The following PCDHA1 variants were observed in gnomAD, a reference collection of about 807,000 sequenced individuals.
The protein encoded by PCDHA1 is protocadherin alpha-1.
A neutral mutation model predicts 61.3 loss-of-function variants in PCDHA1; 42 were observed. The observed-to-expected ratio is 0.69, with a 90% CI of 0.54 to 0.89. PCDHA1 has a LOEUF of 0.89. Among genes scored for constraint, PCDHA1 ranks in the 40% least tolerant of loss-of-function variants. The probability of loss-of-function intolerance (pLI) is 0.00; values close to 1 mark genes in which losing one functional copy is unlikely to be tolerated. For missense variants in PCDHA1, 1,256 were observed against 1,235.3 expected, an observed-to-expected ratio of 1.02 and a Z score of -0.25; for synonymous variants, 610 against 553.8, an observed-to-expected ratio of 1.10 and a Z score of -1.43.
intron 1 of PCDHA1, chr5:140,850,293 G>C (rs2150478191): frequency 6.3e-7 from 1 of 1,596,282 alleles, no homozygotes; most frequent in Non-Finnish European, 8.6e-7. Flanking sequence ...AGTGGACGCC[G>C]ACTCGGGCTA....
At chr5:140,830,167 G>A in intron 1 of PCDHA1, 2 of 1,613,548 alleles carry the variant, frequency 1.2e-6, no homozygotes, top group South Asian at 1.1e-5. Flanking sequence ...CAGAGGCGGC[G>A]CTGGTGGATG....
chr5:140,943,305 CATT>C (rs1322564942), intron 1 of PCDHA1, among the ~76,000 whole-genome samples: 13 of 146,998 alleles, frequency 8.8e-5, no homozygotes, highest in African/African-American at 3.0e-4. Flanking sequence ...TTTGGGAAGT[CATT>C]ATTAGCAATA....
chr5:140,857,059 G>A lies in PCDHA1; in HGVS notation c.2394+68375G>A. On this transcript the variant is annotated intron_variant, in intron 1 of 3. Transcript: ENST00000504120. The stretch of plus-strand genomic sequence containing the variant: ...TGGTTGGTCACTGCACGGTCCTAGT[G>A]GAACTACTGGATGAAAATGATAATT... The A allele has an allele frequency of 4.4e-6, 7 of 1,594,522 alleles. 2 individuals are homozygous for A. The highest frequency in any genetic ancestry group is 6.0e-6 in the Non-Finnish European group (7 of 1,164,610).
intron 1 of PCDHA1, among the ~76,000 whole-genome samples, chr5:140,914,464 A>T (rs923814955): frequency 5.9e-5 from 9 of 152,130 alleles, no homozygotes; most frequent in Non-Finnish European, 1.3e-4. Flanking sequence ...GTCTATGTGT[A>T]TCTTCATAGG....
chr5:140,948,281 T>C (rs1375756050), intron 1 of PCDHA1, among the ~76,000 whole-genome samples: 1 of 151,620 alleles, frequency 6.6e-6, no homozygotes, highest in Non-Finnish European at 1.5e-5. Context: ...TATCTGTAAA[T>C]AATTTTGTAA....
chr5:140,915,262 T>G (rs539637990), intron 1 of PCDHA1, among the ~76,000 whole-genome samples: 1 of 152,290 alleles, frequency 6.6e-6, no homozygotes, highest in Admixed American at 6.5e-5. Context: ...GTTATTATTT[T>G]TGACCAGTTC....
Position 140,961,691 on chromosome 5 carries a change from T to A in PCDHA1, c.2395-17258T>A, listed in dbSNP as rs963909259. On this transcript the variant is annotated intron_variant, in intron 1 of 3. Transcript: ENST00000504120. Reference sequence around the variant, plus strand: ...GTTTTTAATTAAGCCGGAGTAGTCCTTAGTATGAATGCCTTCATTTCTAAG... The same window carrying A: ...GTTTTTAATTAAGCCGGAGTAGTCCATAGTATGAATGCCTTCATTTCTAAG... Among the ~76,000 whole-genome samples the A allele has an allele frequency of 2.0e-5, 3 of 152,340 alleles. No individual in the cohort carries two copies. In the East Asian group the frequency reaches 5.8e-4, roughly 29 times the overall value.
chr5:140,918,517 G>A (rs2078735105), intron 1 of PCDHA1, among the ~76,000 whole-genome samples: 1 of 152,134 alleles, frequency 6.6e-6, no homozygotes, highest in South Asian at 2.1e-4. Flanking sequence ...TAAACTTATT[G>A]AGGATTGTTT....
At position 140,927,047 on chromosome 5, in the gene PCDHA1, C is replaced by T. The variant is rs782800214; in HGVS notation, c.2395-51902C>T. On this transcript the variant is annotated intron_variant, in intron 1 of 3. Coordinates refer to ENST00000504120, the MANE Select transcript of PCDHA1 (RefSeq NM_018900.4). ...AGGCTGCCAGCGGCCGCTATGTCCT[C>T]GCGGAACTTTCGCTTCCTTTCCAGC... The T allele has an allele frequency of 2.5e-6, 4 of 1,612,066 alleles. No homozygotes were observed. The highest frequency in any genetic ancestry group is 1.7e-5 in the Admixed American group (1 of 59,932).
intron 1 of PCDHA1, chr5:140,857,586 G>A: frequency 6.3e-7 from 1 of 1,596,656 alleles, no homozygotes; most frequent in Non-Finnish European, 8.6e-7. Flanking sequence ...CACGCGGAGA[G>A]CGGCAAGGTG....
chr5:141,008,540 T>C (rs1435875214), intron 3 of PCDHA1, among the ~76,000 whole-genome samples: 2 of 152,190 alleles, frequency 1.3e-5, no homozygotes, highest in African/African-American at 4.8e-5. Context: ...ATGTCTTTTA[T>C]TGAAAACTCC....
chr5:140,789,339 C>G (rs945901529), intron 1 of PCDHA1, among the ~76,000 whole-genome samples: 2 of 152,020 alleles, frequency 1.3e-5, no homozygotes, highest in Non-Finnish European at 2.9e-5. Context: ...GTAATCCCAG[C>G]TAATGGGGAG....
chr5:140,850,264 T>C (rs2150476504), intron 1 of PCDHA1: 2 of 1,594,136 alleles, frequency 1.3e-6, no homozygotes, highest in Admixed American at 1.7e-5. Flanking sequence ...GCCGGCGTAG[T>C]GGTGGGGAAG....
In PCDHA1 at chr5:140,795,385, C is replaced by G. The variant is rs149113769; in HGVS notation, c.2394+6701C>G. ...ATTTCCAATGACAGTAAAGACTATC[C>G]GGTTTCCCGAATCAAGGCTGCTTGA... is the stretch of plus-strand genomic sequence containing the variant. On this transcript the variant is annotated intron_variant, in intron 1 of 3. Transcript: ENST00000504120. 5.0e-6 allele frequency: 8 copies of G among 1,613,940 alleles called. No homozygotes were observed. Among genetic ancestry groups the G allele is most frequent in the Non-Finnish European group, 6.8e-6 (8 of 1,180,012 alleles).
rs1554131612 is a variant in PCDHA1, at chr5:140,828,869, A to G, written c.2394+40185A>G. The G allele has an allele frequency of 3.1e-6, 5 of 1,614,138 alleles. No homozygotes were observed. Among genetic ancestry groups the G allele is most frequent in the Admixed American group, 1.7e-5 (1 of 60,016 alleles). On this transcript the variant is annotated intron_variant, in intron 1 of 3. Coordinates refer to ENST00000504120, the MANE Select transcript of PCDHA1 (RefSeq NM_018900.4). ...ATTCGAAAATGCAGACAACGGAACA[A>G]CAGTTATCAGACTGAATGCTTCTGA...
chr5:140,928,392 G>T (rs17844366), intron 1 of PCDHA1: 1 of 1,614,052 alleles, frequency 6.2e-7, no homozygotes, highest in Admixed American at 1.7e-5. Context: ...TGCTGGCAGT[G>T]GAATCATCCA....
rs577194073 is a variant in PCDHA1, at chr5:140,788,220, C to T, written c.1930C>T (p.Arg644Cys). Residue 644 changes from arginine to cysteine, a missense_variant, in exon 1 of 4, where the codon CGC (arginine) becomes TGC (cysteine). Coordinates refer to ENST00000504120, the MANE Select transcript of PCDHA1 (RefSeq NM_018900.4). Reference sequence around the variant, plus strand: ...TGTCCTGGACGAGGCTGACTTGTCGCGCTACCGCCTTCTGGTGCTAGTGAA... The same window carrying T: ...TGTCCTGGACGAGGCTGACTTGTCGTGCTACCGCCTTCTGGTGCTAGTGAA... ...TRVLDEADLSRYRLLVLVKDH... is the reference protein window; with the variant it reads ...TRVLDEADLSCYRLLVLVKDH... The T allele has an allele frequency of 6.2e-6, 10 of 1,614,058 alleles. No individual in the cohort carries two copies. In the Admixed American group the frequency reaches 6.7e-5, roughly 11 times the overall value.
intron 1 of PCDHA1, chr5:140,823,584 C>T (rs150338314): frequency 6.2e-7 from 1 of 1,613,978 alleles, no homozygotes; most frequent in Non-Finnish European, 8.5e-7. Flanking sequence ...CGGGCTACAA[C>T]GCTTGGCTTT....
At chr5:140,819,395 A>G (rs1203569047) in intron 1 of PCDHA1, among the ~76,000 whole-genome samples, 1 of 152,136 alleles carries the variant, frequency 6.6e-6, no homozygotes, top group Non-Finnish European at 1.5e-5. Flanking sequence ...GCTTTTAGTG[A>G]ATTAAATGGA....
Sources: gnomAD v4.1 joint callset for allele counts (sites outside exome capture counted in the v4.1 genomes callset) on GRCh38, gnomAD v4.1.1 for gene constraint, MANE v1.5 for transcripts, NCBI Gene and HGNC (gene_info 2026-07-23, HGNC 2026-07-21) for gene names.